GRM5: variants seen among roughly 807,000 people sequenced by gnomAD.
The protein encoded by GRM5 is glutamate metabotropic receptor 5, also known as metabotropic glutamate receptor 5.
In GRM5, 19 loss-of-function variants were observed where a neutral mutation model predicts 83.1. The ratio of observed to expected loss-of-function variants is 0.23; its 90% CI spans 0.16 to 0.34. The LOEUF is 0.34. Ranked by LOEUF, GRM5 falls within the 10% of genes least tolerant of loss-of-function variation. The probability of loss-of-function intolerance (pLI) is 1.00; values close to 1 mark genes in which losing one functional copy is unlikely to be tolerated. For synonymous variants in GRM5, 675 were observed against 633.6 expected, an observed-to-expected ratio of 1.07 and a Z score of -0.98; for missense variants, 1,160 against 1,588.3, an observed-to-expected ratio of 0.73 and a Z score of 4.58.
intron 1 of GRM5, among the ~76,000 whole-genome samples, chr11:89,059,246 T>C (rs1941939634): frequency 6.6e-6 from 1 of 152,162 alleles, no homozygotes; most frequent in African/African-American, 2.4e-5. Context: ...ACAGAAAATA[T>C]ATATTTTGCA....
chr11:89,043,692 T>G lies in GRM5; in HGVS notation c.661+3520A>C, dbSNP rs147202944. Reference sequence around the variant, plus strand: ...ACTGGACTCCATCCTGAAGGCATTTTTTATTGCTAACAATAATAGTCAGCT... The same window carrying G: ...ACTGGACTCCATCCTGAAGGCATTTGTTATTGCTAACAATAATAGTCAGCT... On this transcript the variant is annotated intron_variant, in intron 2 of 9. Coordinates refer to ENST00000305447, the MANE Select transcript of GRM5 (RefSeq NM_001143831.3). Among the ~76,000 whole-genome samples the G allele has an allele frequency of 2.7e-3, 409 of 152,278 alleles. 1 individual carries two copies. Among genetic ancestry groups the G allele is most frequent in the South Asian group, 6.6e-3 (32 of 4,824 alleles).
At chr11:88,715,392 C>A (rs538565183) in intron 3 of GRM5, among the ~76,000 whole-genome samples, 3 of 151,074 alleles carry the variant, frequency 2.0e-5, no homozygotes, top group African/African-American at 7.3e-5. Context: ...TATGATTCTT[C>A]AACTATATTT....
At chr11:88,671,330 A>G (rs1267595281) in intron 3 of GRM5, among the ~76,000 whole-genome samples, 1 of 152,014 alleles carries the variant, frequency 6.6e-6, no homozygotes, top group Admixed American at 6.6e-5. Context: ...TGCTTACCCT[A>G]AAACCAATAT....
intron 3 of GRM5, among the ~76,000 whole-genome samples, chr11:88,681,565 C>CCTTTTTT (rs1309221208): frequency 1.6e-4 from 4 of 25,404 alleles, no homozygotes; most frequent in Non-Finnish European, 3.1e-4. Flanking sequence ...TGAGTTCTTC[C>CCTTTTTT]TTTTTTTTTT....
At chr11:88,776,385 C>G (rs1430123031) in intron 3 of GRM5, among the ~76,000 whole-genome samples, 2 of 151,826 alleles carry the variant, frequency 1.3e-5, no homozygotes, top group Admixed American at 6.6e-5. Flanking sequence ...GGTCTTGACT[C>G]TATCCAATTT....
intron 2 of GRM5, among the ~76,000 whole-genome samples, chr11:88,979,981 T>C (rs540899306): frequency 1.3e-5 from 2 of 152,304 alleles, no homozygotes; most frequent in South Asian, 2.1e-4. Flanking sequence ...TTTTATTGCA[T>C]GGGCTATTTA....
intron 3 of GRM5, among the ~76,000 whole-genome samples, chr11:88,843,013 T>C (rs1475504688): frequency 6.6e-6 from 1 of 152,204 alleles, no homozygotes; most frequent in Non-Finnish European, 1.5e-5. Context: ...ACATTACAAA[T>C]TAATGACACT....
At position 88,687,548 on chromosome 11, in the gene GRM5, A is replaced by AT. The variant is rs1476140515; in HGVS notation, c.912-34146_912-34145insA. Among the ~76,000 whole-genome samples, 99 of 10,038 alleles carry AT rather than the reference A, an allele frequency of 9.9e-3. 5 individuals carry two copies. Among genetic ancestry groups the AT allele is most frequent in the Admixed American group, 0.056 (31 of 550 alleles). 6.6% of individuals were successfully genotyped at this position (10,038 alleles called of 152,430 possible). A position where few individuals can be genotyped will look rare whatever the true frequency, so the allele number is the denominator to read the frequency against. On this transcript the variant is annotated intron_variant, in intron 3 of 9. Transcript: ENST00000305447. ...CACATACATATATATACACACACAC[A>AT]CACACATATATATTATATATATATA... is the stretch of plus-strand genomic sequence containing the variant.
At chr11:88,952,082 T>C (rs1439469729) in intron 2 of GRM5, among the ~76,000 whole-genome samples, 1 of 151,614 alleles carries the variant, frequency 6.6e-6, no homozygotes, top group Non-Finnish European at 1.5e-5. Context: ...GTGTCAGCTC[T>C]CAGCAAAGTC....
chr11:88,969,886 G>C (rs1339327153), intron 2 of GRM5, among the ~76,000 whole-genome samples: 2 of 151,986 alleles, frequency 1.3e-5, no homozygotes, highest in African/African-American at 4.8e-5. Context: ...CAAGAAACTT[G>C]ACTTCCCTTA....
At chr11:88,559,947 G>A (rs892627867) in intron 8 of GRM5, among the ~76,000 whole-genome samples, 1 of 152,166 alleles carries the variant, frequency 6.6e-6, no homozygotes, top group Non-Finnish European at 1.5e-5. Context: ...GCCAGGAGAG[G>A]CTTTCCAGCA....
At chr11:88,768,626 T>C (rs919578146) in intron 3 of GRM5, among the ~76,000 whole-genome samples, 72 of 68,364 alleles carry the variant, frequency 1.1e-3, no homozygotes, top group Non-Finnish European at 1.9e-3. Context: ...CCTATAAAAA[T>C]TGAAAAAAAA....
intron 3 of GRM5, among the ~76,000 whole-genome samples, chr11:88,695,984 C>G (rs926669325): frequency 1.3e-5 from 2 of 152,194 alleles, no homozygotes; most frequent in African/African-American, 4.8e-5. Context: ...CTCAATTAGA[C>G]CCTCTGCCTT....
At chr11:88,895,809 G>A (rs1260340102) in intron 2 of GRM5, among the ~76,000 whole-genome samples, 2 of 151,856 alleles carry the variant, frequency 1.3e-5, no homozygotes, top group Admixed American at 1.3e-4. Flanking sequence ...ATAGAATTAA[G>A]GTCTGTGTGA....
intron 2 of GRM5, among the ~76,000 whole-genome samples, chr11:88,855,397 A>AT (rs1341877701): frequency 6.6e-6 from 1 of 151,788 alleles, no homozygotes; most frequent in Admixed American, 6.6e-5. Context: ...CATGGAATAC[A>AT]TTTTTCCATG....
At chr11:88,574,292 C>T (rs1245562323) in intron 7 of GRM5, among the ~76,000 whole-genome samples, 1 of 152,090 alleles carries the variant, frequency 6.6e-6, no homozygotes, top group Non-Finnish European at 1.5e-5. Context: ...TCTCAAAAAA[C>T]TTTTGCGTTG....
chr11:89,056,489 TC>T (rs1264190417), intron 1 of GRM5, among the ~76,000 whole-genome samples: 2 of 152,166 alleles, frequency 1.3e-5, no homozygotes, highest in Non-Finnish European at 2.9e-5. Context: ...GAGCCTTTTT[TC>T]ATTCTTGATC....
intron 2 of GRM5, among the ~76,000 whole-genome samples, chr11:88,872,034 A>C (rs1944776747): frequency 6.6e-6 from 1 of 151,520 alleles, no homozygotes; most frequent in African/African-American, 2.4e-5. Context: ...AGAAACCTGT[A>C]AATCTAATTA....
intron 2 of GRM5, among the ~76,000 whole-genome samples, chr11:89,013,041 A>T (rs1476459210): frequency 1.3e-5 from 2 of 152,184 alleles, no homozygotes; most frequent in African/African-American, 4.8e-5. Flanking sequence ...TTCATTTCAA[A>T]TTTTTTATGA....
Sources: allele counts gnomAD v4.1 joint callset (sites outside exome capture counted in the v4.1 genomes callset), GRCh38; gene constraint gnomAD v4.1.1; transcripts MANE v1.5; gene names NCBI Gene and HGNC (gene_info 2026-07-23, HGNC 2026-07-21).